NAPEPLD: variants seen among roughly 807,000 people sequenced by gnomAD.
The protein encoded by NAPEPLD is N-acyl-phosphatidylethanolamine-hydrolyzing phospholipase D.
In NAPEPLD, 23 loss-of-function variants were observed where a neutral mutation model predicts 38.1. The observed-to-expected ratio is 0.60, with a 90% CI of 0.43 to 0.86. NAPEPLD has a LOEUF of 0.86. NAPEPLD is among the 40% of genes least tolerant of loss of function. NAPEPLD has a pLI of 0.00. For synonymous variants in NAPEPLD, 147 were observed against 162.0 expected, an observed-to-expected ratio of 0.91 and a Z score of 0.71; for missense variants, 411 against 476.8, an observed-to-expected ratio of 0.86 and a Z score of 1.28.
intron 3 of NAPEPLD, among the ~76,000 whole-genome samples, chr7:103,116,506 A>G (rs1291893118): frequency 6.6e-6 from 1 of 152,252 alleles, no homozygotes; most frequent in African/African-American, 2.4e-5. Context: ...TCCAATTACA[A>G]AAGAATTTGT....
intron 1 of NAPEPLD, among the ~76,000 whole-genome samples, chr7:103,138,473 C>T (rs114342490): frequency 7.6e-5 from 11 of 144,680 alleles, no homozygotes; most frequent in Admixed American, 6.2e-4. Flanking sequence ...TTCTACAGCC[C>T]TTTTTTTTTT....
intron 4 of NAPEPLD, among the ~76,000 whole-genome samples, chr7:103,109,947 G>T (rs370504268): frequency 1.4e-4 from 21 of 152,092 alleles, no homozygotes; most frequent in Admixed American, 1.4e-3. Flanking sequence ...ACACCTCTAC[G>T]CAAATAAAGT....
chr7:103,130,373 T>C (rs1251993398), intron 1 of NAPEPLD, among the ~76,000 whole-genome samples: 4 of 152,218 alleles, frequency 2.6e-5, no homozygotes, highest in African/African-American at 9.6e-5. Context: ...CATCGCTGTA[T>C]GTGGGAGAGC....
chr7:103,118,726 T>G (rs1396702744), intron 3 of NAPEPLD, among the ~76,000 whole-genome samples: 2 of 152,220 alleles, frequency 1.3e-5, no homozygotes, highest in Non-Finnish European at 2.9e-5. Context: ...TAAACCAGAG[T>G]TGACTGAAAT....
In NAPEPLD at chr7:103,149,043, C is replaced by T; in HGVS notation, c.-249G>A. 1.0e-6 allele frequency: 1 copy of T among 985,410 alleles called. No homozygotes were observed. The highest frequency in any genetic ancestry group is 1.2e-6 in the Non-Finnish European group (1 of 829,960). The allele number at this position is 985,410 out of a possible 1,614,324, so 61.0% of individuals were successfully genotyped here. A position where few individuals can be genotyped will look rare whatever the true frequency, so the allele number is the denominator to read the frequency against. On this transcript the variant is annotated 5_prime_UTR_variant, in exon 1 of 5. The change creates a new upstream start codon in the 5' untranslated region. Transcript: ENST00000465647. ...GGAGGGCTCGGGGACGGGAAACCCACTCTCAGCCCGCTCCACTTCGCCGAA... is the reference window on the plus strand; with the variant it reads ...GGAGGGCTCGGGGACGGGAAACCCATTCTCAGCCCGCTCCACTTCGCCGAA...
chr7:103,109,700 C>T (rs1804126022), intron 4 of NAPEPLD, among the ~76,000 whole-genome samples: 1 of 151,944 alleles, frequency 6.6e-6, no homozygotes, highest in South Asian at 2.1e-4. Flanking sequence ...GAAGCAAGAG[C>T]AAACAAACTC....
chr7:103,115,437 A>G (rs1166719685), intron 3 of NAPEPLD: 1 of 316,354 alleles, frequency 3.2e-6, no homozygotes, highest in Non-Finnish European at 5.7e-6. Context: ...CCTTTGGTAC[A>G]CTTTCTGCTG....
At chr7:103,124,553 G>A (rs10268849) in intron 2 of NAPEPLD, among the ~76,000 whole-genome samples, 135,932 of 152,214 alleles carry the variant, frequency 0.89, 62,675 homozygotes, top group East Asian at 1. Context: ...AATCACTCAC[G>A]TGGCATTTTC....
At chr7:103,149,107 T>C, upstream of NAPEPLD, 2 of 985,904 alleles carry the variant, frequency 2.0e-6, no homozygotes, top group Non-Finnish European at 2.4e-6. Flanking sequence ...TGTGGATTGC[T>C]CCGCCCAGAG....
chr7:103,149,044 T>G lies in NAPEPLD; in HGVS notation c.-250A>C. On this transcript the variant is annotated 5_prime_UTR_variant, in exon 1 of 5. Coordinates refer to ENST00000465647, the MANE Select transcript of NAPEPLD (RefSeq NM_001122838.3). ...GAGGGCTCGGGGACGGGAAACCCAC[T>G]CTCAGCCCGCTCCACTTCGCCGAAG... is the stretch of plus-strand genomic sequence containing the variant. 1 of 984,866 alleles carries G rather than the reference T, an allele frequency of 1.0e-6. No homozygotes were observed. Among genetic ancestry groups the G allele is most frequent in the Non-Finnish European group, 1.2e-6 (1 of 829,812 alleles). 61.0% of individuals were successfully genotyped at this position (984,866 alleles called of 1,614,324 possible). A position where few individuals can be genotyped will look rare whatever the true frequency, so the allele number is the denominator to read the frequency against.
At chr7:103,109,777 A>C (rs1273900137) in intron 4 of NAPEPLD, among the ~76,000 whole-genome samples, 1 of 30,268 alleles carries the variant, frequency 3.3e-5, no homozygotes, top group Non-Finnish European at 1.1e-3. Context: ...AGACGCGAAA[A>C]ATCCTTCAAA....
At chr7:103,132,716 T>C (rs1271943988) in intron 1 of NAPEPLD, among the ~76,000 whole-genome samples, 1 of 152,142 alleles carries the variant, frequency 6.6e-6, no homozygotes, top group Non-Finnish European at 1.5e-5. Context: ...GCCCAGGAAG[T>C]TGAGGCTGCA....
At position 103,100,257 on chromosome 7, in the gene NAPEPLD, C is replaced by G. The variant is rs1802215476; in HGVS notation, c.*3172G>C. Reference sequence around the variant, plus strand: ...TAACGGTTTTTTCAAATCTACCTCCCTATTTAATGAAAGCATATTCATTAA... The same window carrying G: ...TAACGGTTTTTTCAAATCTACCTCCGTATTTAATGAAAGCATATTCATTAA... On this transcript the variant is annotated 3_prime_UTR_variant, in exon 5 of 5. Coordinates refer to ENST00000465647, the MANE Select transcript of NAPEPLD (RefSeq NM_001122838.3). The G allele has an allele frequency of 6.6e-6, 1 of 152,152 alleles. No individual in the cohort carries two copies. Among genetic ancestry groups the G allele is most frequent in the Non-Finnish European group, 1.5e-5 (1 of 68,030 alleles). 9.4% of individuals were successfully genotyped at this position (152,152 alleles called of 1,614,324 possible). A position where few individuals can be genotyped will look rare whatever the true frequency, so the allele number is the denominator to read the frequency against.
intron 2 of NAPEPLD, 136 bp downstream of exon 2, chr7:103,128,347 T>C: frequency 1.9e-6 from 2 of 1,029,480 alleles, no homozygotes; most frequent in Non-Finnish European, 2.8e-6. Context: ...AACGATGAAC[T>C]TTAGGGCCTA....
intron 2 of NAPEPLD, among the ~76,000 whole-genome samples, chr7:103,121,419 G>A (rs1806675156): frequency 1.3e-5 from 2 of 152,196 alleles, no homozygotes; most frequent in Middle Eastern, 3.4e-3. Context: ...CCATGTATGT[G>A]TTCAGGCTGC....
At position 103,101,220 on chromosome 7, in the gene NAPEPLD, G is replaced by A. The variant is rs1802350000; in HGVS notation, c.*2209C>T. 2 of 152,022 alleles carry A rather than the reference G, an allele frequency of 1.3e-5. No individual in the cohort carries two copies. Among genetic ancestry groups the A allele is most frequent in the African/African-American group, 4.8e-5 (2 of 41,390 alleles). The allele number at this position is 152,022 out of a possible 1,614,324, so 9.4% of individuals were successfully genotyped here. A position where few individuals can be genotyped will look rare whatever the true frequency, so the allele number is the denominator to read the frequency against. On this transcript the variant is annotated 3_prime_UTR_variant, in exon 5 of 5. Coordinates refer to ENST00000465647, the MANE Select transcript of NAPEPLD (RefSeq NM_001122838.3). ...AAACCTAACATCTTGATTCACATCT[G>A]CTTGGAGTGAAAAAGTTTATGATCA...
At chr7:103,140,924 C>A (rs1193717903) in intron 1 of NAPEPLD, among the ~76,000 whole-genome samples, 4 of 152,162 alleles carry the variant, frequency 2.6e-5, no homozygotes, top group Admixed American at 1.3e-4. Context: ...TAAACAGATT[C>A]TTTTGCTCAA....
chr7:103,132,784 CA>C (rs770302727), intron 1 of NAPEPLD, among the ~76,000 whole-genome samples: 11 of 151,350 alleles, frequency 7.3e-5, no homozygotes, highest in Non-Finnish European at 1.6e-4. Context: ...GACTCCGTCT[CA>C]AAGAAAGAAA....
chr7:103,146,621 A>G (rs1405984797), intron 1 of NAPEPLD, among the ~76,000 whole-genome samples: 1 of 152,172 alleles, frequency 6.6e-6, no homozygotes, highest in Non-Finnish European at 1.5e-5. Flanking sequence ...AATTATGCTG[A>G]TCCATCTACA....
Sources: gnomAD v4.1 joint callset for allele counts (sites outside exome capture counted in the v4.1 genomes callset) on GRCh38, gnomAD v4.1.1 for gene constraint, MANE v1.5 for transcripts, NCBI Gene and HGNC (gene_info 2026-07-23, HGNC 2026-07-21) for gene names.